Variants in KIF13B observed in about 807,000 individuals in gnomAD.
KIF13B encodes kinesin-like protein KIF13B.
Under a neutral mutation model 222.0 loss-of-function variants are expected in KIF13B, and 127 were observed. That is an observed-to-expected ratio of 0.57 (90% CI 0.50 to 0.66). The LOEUF (loss-of-function observed/expected upper bound fraction) is 0.66. Among genes scored for constraint, KIF13B ranks in the 30% least tolerant of loss-of-function variants. The pLI, the probability that KIF13B is intolerant of heterozygous loss-of-function variation, is 0.00. For missense variants in KIF13B, 2,173 were observed against 2,379.0 expected, an observed-to-expected ratio of 0.91 and a Z score of 1.80; for synonymous variants, 976 against 919.0, an observed-to-expected ratio of 1.06 and a Z score of -1.12.
At chr8:29,217,380 C>G (rs1814533485) in intron 2 of KIF13B, among the ~76,000 whole-genome samples, 1 of 152,228 alleles carries the variant, frequency 6.6e-6, no homozygotes, top group Admixed American at 6.5e-5. Context: ...TTGTGAATCC[C>G]AGCCCCACCA....
Position 29,150,402 on chromosome 8 carries a change from A to G in KIF13B, c.1536-19T>C, listed in dbSNP as rs547913136. The stretch of plus-strand genomic sequence containing the variant: ...AAATGTTCTGTAAGGAGAAGAGATC[A>G]AACGTGAATGATGAGTACAGTATCA... On this transcript the variant is annotated intron_variant, in intron 14 of 39. Coordinates refer to ENST00000524189, the MANE Select transcript of KIF13B (RefSeq NM_015254.4). 2.3e-6 allele frequency: 3 copies of G among 1,279,166 alleles called. No homozygotes were observed. The highest frequency in any genetic ancestry group is 2.3e-6 in the Non-Finnish European group (2 of 884,704). The allele number at this position is 1,279,166 out of a possible 1,614,324, so 79.2% of individuals were successfully genotyped here.
chr8:29,257,564 T>C (rs984119205), intron 1 of KIF13B, among the ~76,000 whole-genome samples: 3 of 152,200 alleles, frequency 2.0e-5, no homozygotes, highest in Non-Finnish European at 4.4e-5. Flanking sequence ...TTAAACAACA[T>C]TGTATTTTAT....
chr8:29,155,836 T>C lies in KIF13B; in HGVS notation c.1425A>G (p.Ser475=), dbSNP rs1811496745. The part of the protein sequence containing the change: ...YYLKEHTLIG[S]ANSQDIQLCG... Reference sequence around the variant, plus strand: ...ACAGTTGGATATCTTGGGAATTTGCTGACCCTATCAATGTATGTTCCTAAG... The same window carrying C: ...ACAGTTGGATATCTTGGGAATTTGCCGACCCTATCAATGTATGTTCCTAAG... Residue 475 remains serine, a synonymous_variant, in exon 14 of 40, where the codon TCA becomes TCG. Coordinates refer to ENST00000524189, the MANE Select transcript of KIF13B (RefSeq NM_015254.4). 2 of 1,580,732 alleles carry C rather than the reference T, an allele frequency of 1.3e-6. No homozygotes were observed. Among genetic ancestry groups the C allele is most frequent in the Non-Finnish European group, 1.7e-6 (2 of 1,161,232 alleles).
At chr8:29,254,796 C>G (rs2130687543) in intron 1 of KIF13B, among the ~76,000 whole-genome samples, 1 of 152,312 alleles carries the variant, frequency 6.6e-6, no homozygotes, top group South Asian at 2.1e-4. Context: ...ATATGCGTAT[C>G]TGAGAAAAAT....
intron 3 of KIF13B, among the ~76,000 whole-genome samples, chr8:29,195,315 G>A (rs1212930126): frequency 6.6e-6 from 1 of 152,062 alleles, no homozygotes; most frequent in Non-Finnish European, 1.5e-5. Context: ...ATGAGAGAAA[G>A]TTTACATATA....
At chr8:29,188,697 A>T in intron 4 of KIF13B, 90 bp from the exon 5 acceptor site, 1 of 763,606 alleles carries the variant, frequency 1.3e-6, no homozygotes. Context: ...TCAAAAATGT[A>T]TAATCTGCTT....
intron 31 of KIF13B, among the ~76,000 whole-genome samples, chr8:29,113,931 C>T (rs1215971635): frequency 6.6e-6 from 1 of 152,170 alleles, no homozygotes; most frequent in Non-Finnish European, 1.5e-5. Flanking sequence ...GATGCTTACA[C>T]TTTTTTTCTC....
chr8:29,126,086 CA>C lies in KIF13B; in HGVS notation c.3252+395del, dbSNP rs796727998. On this transcript the variant is annotated intron_variant, in intron 26 of 39. Transcript: ENST00000524189. ...TGGGCAACAGGGTGAGACTCTGTCA[CA>C]AAAAAAAAAACAAAAACAAACAAAA... Among the ~76,000 whole-genome samples, 188 of 132,442 alleles carry C rather than the reference CA, an allele frequency of 1.4e-3. No individual in the cohort carries two copies. In the East Asian group the frequency reaches 0.023, roughly 16 times the overall value. 86.9% of individuals were successfully genotyped at this position (132,442 alleles called of 152,430 possible).
chr8:29,142,244 C>T lies in KIF13B; in HGVS notation c.2247G>A (p.Gln749=), dbSNP rs1810848993. 1.2e-6 allele frequency: 2 copies of T among 1,613,712 alleles called. No homozygotes were observed. Among genetic ancestry groups the T allele is most frequent in the East Asian group, 2.2e-5 (1 of 44,886 alleles). The stretch of plus-strand genomic sequence containing the variant: ...TGTCCAGTTTTTCCAAAGACCAAAT[C>T]TGCTTTCCTTTTCCTTTTCTTCTCA... ...IQVRRKGKGK[Q]IWSLEKLDNR... The change falls in exon 19 of 40, where the codon CAG becomes CAA. Residue 749 remains glutamine, a synonymous_variant. Coordinates refer to ENST00000524189, the MANE Select transcript of KIF13B (RefSeq NM_015254.4).
At chr8:29,118,373 T>C (rs1809701850) in intron 30 of KIF13B, among the ~76,000 whole-genome samples, 1 of 149,886 alleles carries the variant, frequency 6.7e-6, no homozygotes, top group South Asian at 2.1e-4. Context: ...CGCACACTTA[T>C]AATCCCAGCT....
chr8:29,136,795 GTT>G (rs1203051867), intron 21 of KIF13B, among the ~76,000 whole-genome samples: 6 of 116,820 alleles, frequency 5.1e-5, no homozygotes, highest in African/African-American at 9.8e-5. Flanking sequence ...CCTGTAACAG[GTT>G]TTTTTTTTTT....
chr8:29,247,432 C>T (rs1183516923), intron 1 of KIF13B, among the ~76,000 whole-genome samples: 2 of 152,038 alleles, frequency 1.3e-5, no homozygotes, highest in Admixed American at 6.6e-5. Flanking sequence ...TCAAAAAGCA[C>T]ACCATCGACA....
chr8:29,157,512 G>C (rs1336243891), intron 13 of KIF13B, among the ~76,000 whole-genome samples: 1 of 151,868 alleles, frequency 6.6e-6, no homozygotes, highest in East Asian at 1.9e-4. Flanking sequence ...AGCCCAGCCT[G>C]GCCAACATGG....
chr8:29,262,919 G>T (rs1164054616), intron 1 of KIF13B, 61 bp downstream of exon 1: 19 of 1,421,476 alleles, frequency 1.3e-5, no homozygotes, highest in African/African-American at 3.0e-5. Flanking sequence ...GCGGCCGAGG[G>T]AAGGGCGCGC....
At position 29,133,962 on chromosome 8, in the gene KIF13B, A is replaced by G. The variant is rs143629638; in HGVS notation, c.2784+78T>C. 2.2e-6 allele frequency: 3 copies of G among 1,391,162 alleles called. No homozygotes were observed. In the African/African-American group the frequency reaches 4.3e-5, roughly 20 times the overall value. 86.2% of individuals were successfully genotyped at this position (1,391,162 alleles called of 1,614,324 possible). On this transcript the variant is annotated intron_variant, in intron 22 of 39. Coordinates refer to ENST00000524189, the MANE Select transcript of KIF13B (RefSeq NM_015254.4). ...AAGACATATAACGGCACATTTAGTCAAAGAAACAAGGTTCATTTTCTGTTT... is the reference window on the plus strand; with the variant it reads ...AAGACATATAACGGCACATTTAGTCGAAGAAACAAGGTTCATTTTCTGTTT...
chr8:29,111,030 T>A (rs542506101), intron 32 of KIF13B, among the ~76,000 whole-genome samples: 1 of 152,232 alleles, frequency 6.6e-6, no homozygotes, highest in Admixed American at 6.5e-5. Context: ...AAGATACTTT[T>A]AAAAATTTAA....
At chr8:29,155,288 G>A (rs1811468206) in intron 14 of KIF13B, among the ~76,000 whole-genome samples, 1 of 152,176 alleles carries the variant, frequency 6.6e-6, no homozygotes, top group Non-Finnish European at 1.5e-5. Context: ...TAAGGGCAGT[G>A]CATTCAGACC....
At chr8:29,192,833 A>G (rs1813246141) in intron 3 of KIF13B, among the ~76,000 whole-genome samples, 1 of 152,202 alleles carries the variant, frequency 6.6e-6, no homozygotes, top group Non-Finnish European at 1.5e-5. Flanking sequence ...GGAAAAAAGA[A>G]CAAGGTTTTG....
At chr8:29,082,240 C>T (rs1386660129) in intron 37 of KIF13B, among the ~76,000 whole-genome samples, 1 of 151,998 alleles carries the variant, frequency 6.6e-6, no homozygotes, top group Non-Finnish European at 1.5e-5. Context: ...TTCCTATCAA[C>T]AAGTAAATTA....
Sources: allele counts gnomAD v4.1 joint callset (sites outside exome capture counted in the v4.1 genomes callset), GRCh38; gene constraint gnomAD v4.1.1; transcripts MANE v1.5; gene names NCBI Gene and HGNC (gene_info 2026-07-23, HGNC 2026-07-21).